Variants in CNTN4 observed in about 807,000 individuals in gnomAD.
The protein encoded by CNTN4 is contactin-4.
In CNTN4, 77 loss-of-function variants were observed where a neutral mutation model predicts 122.5. The observed-to-expected ratio is 0.63, with a 90% CI of 0.52 to 0.76. CNTN4 has a LOEUF of 0.76. Ranked by LOEUF, CNTN4 falls within the 30% of genes least tolerant of loss-of-function variation. The pLI is 0.00. For synonymous variants in CNTN4, 512 were observed against 447.0 expected, an observed-to-expected ratio of 1.15 and a Z score of -1.83; for missense variants, 1,256 against 1,259.1, an observed-to-expected ratio of 1.00 and a Z score of 0.04.
At chr3:2,885,252 T>G (rs1174595616) in intron 9 of CNTN4, among the ~76,000 whole-genome samples, 2 of 152,248 alleles carry the variant, frequency 1.3e-5, no homozygotes, top group African/African-American at 4.8e-5. Flanking sequence ...GTTAGCTCAC[T>G]AAACCATTGA....
intron 23 of CNTN4, among the ~76,000 whole-genome samples, chr3:3,050,807 C>G (rs996907903): frequency 2.0e-5 from 3 of 150,212 alleles, no homozygotes; most frequent in Non-Finnish European, 3.0e-5. Flanking sequence ...GCCAGACTGC[C>G]TAGGTTTGAA....
chr3:2,278,157 A>T (rs958239607), intron 2 of CNTN4, among the ~76,000 whole-genome samples: 16 of 152,260 alleles, frequency 1.1e-4, no homozygotes, highest in African/African-American at 3.6e-4. Context: ...TAAAAATGAG[A>T]GGAGCCTCTA....
At chr3:2,235,230 T>G (rs537329914) in intron 2 of CNTN4, among the ~76,000 whole-genome samples, 91 of 152,192 alleles carry the variant, frequency 6.0e-4, no homozygotes, top group Non-Finnish European at 1.1e-3. Flanking sequence ...ATGCCAACAT[T>G]ATCAATTTGT....
chr3:2,817,910 G>A (rs375194879), intron 6 of CNTN4, among the ~76,000 whole-genome samples: 1 of 152,154 alleles, frequency 6.6e-6, no homozygotes, highest in Non-Finnish European at 1.5e-5. Flanking sequence ...TTTCCATAAA[G>A]ACAAGAAAAA....
chr3:2,578,995 A>G (rs1014356556), intron 4 of CNTN4, among the ~76,000 whole-genome samples: 4 of 152,360 alleles, frequency 2.6e-5, no homozygotes, highest in East Asian at 3.9e-4. Context: ...TCAGTAATGA[A>G]GATGTTGAGG....
At chr3:2,665,273 A>G (rs965789394) in intron 4 of CNTN4, among the ~76,000 whole-genome samples, 3 of 152,166 alleles carry the variant, frequency 2.0e-5, no homozygotes, top group Non-Finnish European at 2.9e-5. Context: ...TTAGCACGTT[A>G]GTGGAGTTTG....
chr3:2,261,537 A>G (rs1304164299), intron 2 of CNTN4, among the ~76,000 whole-genome samples: 1 of 152,176 alleles, frequency 6.6e-6, no homozygotes, highest in Non-Finnish European at 1.5e-5. Flanking sequence ...CTCTATGTTA[A>G]TAACTTTCTA....
At chr3:2,814,492 T>A (rs2092684238) in intron 6 of CNTN4, among the ~76,000 whole-genome samples, 1 of 152,230 alleles carries the variant, frequency 6.6e-6, no homozygotes, top group Admixed American at 6.5e-5. Flanking sequence ...AATCTCCATG[T>A]TGAGTGCCCA....
At chr3:2,405,072 T>C (rs2046985426) in intron 3 of CNTN4, among the ~76,000 whole-genome samples, 1 of 152,202 alleles carries the variant, frequency 6.6e-6, no homozygotes, top group Admixed American at 6.5e-5. Context: ...CCTTATTTTA[T>C]TCTTTCTGTT....
intron 4 of CNTN4, among the ~76,000 whole-genome samples, chr3:2,712,663 G>T (rs949194895): frequency 6.6e-6 from 1 of 152,166 alleles, no homozygotes; most frequent in Non-Finnish European, 1.5e-5. Context: ...TTTTCTGTAT[G>T]CTAATGTTGA....
intron 3 of CNTN4, among the ~76,000 whole-genome samples, chr3:2,474,926 T>A (rs2075796461): frequency 6.6e-6 from 1 of 152,166 alleles, no homozygotes. Context: ...ACTTAGAAAC[T>A]CTCTGATTAC....
chr3:2,434,130 C>G (rs1262630083), intron 3 of CNTN4, among the ~76,000 whole-genome samples: 1 of 152,080 alleles, frequency 6.6e-6, no homozygotes, highest in African/African-American at 2.4e-5. Context: ...TTACATACTT[C>G]AAAATTGCTG....
At position 2,129,593 on chromosome 3, in the gene CNTN4, T is replaced by C. The variant is rs948371484; in HGVS notation, c.-145+28954T>C. Among the ~76,000 whole-genome samples the C allele has an allele frequency of 7.2e-5, 11 of 152,082 alleles. 2 individuals carry two copies. Among genetic ancestry groups the C allele is most frequent in the Admixed American group, 7.2e-4 (11 of 15,246 alleles). On this transcript the variant is annotated intron_variant, in intron 2 of 24. Transcript: ENST00000418658. ...ATGTTTCTACTTACTTAAAAACAGA[T>C]GCTCTCTGAAAAATTCATGAAAACC... is the stretch of plus-strand genomic sequence containing the variant.
intron 2 of CNTN4, among the ~76,000 whole-genome samples, chr3:2,201,989 A>G (rs186217030): frequency 3.9e-4 from 60 of 152,300 alleles, no homozygotes; most frequent in African/African-American, 1.2e-3. Context: ...AAAAAGGCTT[A>G]AATCTTACAC....
intron 13 of CNTN4, among the ~76,000 whole-genome samples, chr3:2,961,085 C>A (rs1415257690): frequency 7.0e-6 from 1 of 142,648 alleles, no homozygotes; most frequent in Non-Finnish European, 1.5e-5. Flanking sequence ...AAAAAATTAG[C>A]CGGGCGTGGT....
intron 2 of CNTN4, among the ~76,000 whole-genome samples, chr3:2,328,011 G>A (rs953313325): frequency 6.6e-6 from 1 of 152,138 alleles, no homozygotes; most frequent in Non-Finnish European, 1.5e-5. Flanking sequence ...TATCACACAT[G>A]GTTGCCAAGA....
chr3:2,191,966 G>A (rs971180284), intron 2 of CNTN4, among the ~76,000 whole-genome samples: 3 of 151,760 alleles, frequency 2.0e-5, no homozygotes, highest in African/African-American at 7.3e-5. Context: ...ACCTATGAGT[G>A]AGAACATGCG....
chr3:2,179,946 A>C (rs1369564729), intron 2 of CNTN4, among the ~76,000 whole-genome samples: 1 of 151,980 alleles, frequency 6.6e-6, no homozygotes, highest in East Asian at 1.9e-4. Context: ...AATATTTTAC[A>C]TTTTTTGTAC....
chr3:2,424,998 A>C (rs1324931601), intron 3 of CNTN4, among the ~76,000 whole-genome samples: 1 of 152,080 alleles, frequency 6.6e-6, no homozygotes, highest in African/African-American at 2.4e-5. Context: ...AGATTGCAAA[A>C]ATTTTCTCCC....
Sources: allele counts gnomAD v4.1 joint callset (sites outside exome capture counted in the v4.1 genomes callset), GRCh38; gene constraint gnomAD v4.1.1; transcripts MANE v1.5; gene names NCBI Gene and HGNC (gene_info 2026-07-23, HGNC 2026-07-21).